Variants in CCDC178 observed in about 807,000 individuals in gnomAD.
CCDC178 encodes the protein coiled-coil domain containing 178, also known as coiled-coil domain-containing protein 178.
In CCDC178, 126 loss-of-function variants were observed where a neutral mutation model predicts 117.4. The ratio of observed to expected loss-of-function variants is 1.07; its 90% CI spans 0.93 to 1.24. The LOEUF (loss-of-function observed/expected upper bound fraction) is 1.24, where lower values mean the gene tolerates loss of function less well. CCDC178 is among the 50% of genes most tolerant of loss of function. CCDC178 has a pLI of 0.00. For synonymous variants in CCDC178, 283 were observed against 313.4 expected (o/e 0.90, Z 1.02); for missense variants, 1,030 against 986.9 (o/e 1.04, Z -0.59).
intron 12 of CCDC178, among the ~76,000 whole-genome samples, chr18:33,282,695 CAT>C (rs1474992295): frequency 3.3e-5 from 5 of 152,198 alleles, no homozygotes; most frequent in Non-Finnish European, 5.9e-5. Flanking sequence ...CTACCTGGCA[CAT>C]GTTTGCACGG....
chr18:33,049,190 A>T (rs1199904101), intron 21 of CCDC178, among the ~76,000 whole-genome samples: 1 of 152,172 alleles, frequency 6.6e-6, no homozygotes, highest in African/African-American at 2.4e-5. Flanking sequence ...AGATTTTTCA[A>T]AAAACCCCAA....
intron 11 of CCDC178, among the ~76,000 whole-genome samples, chr18:33,315,565 T>G (rs1312822670): frequency 6.6e-6 from 1 of 152,090 alleles, no homozygotes; most frequent in Non-Finnish European, 1.5e-5. Flanking sequence ...TACACGGATA[T>G]AAAAAGGTAG....
chr18:32,996,252 A>C (rs1260023724), intron 21 of CCDC178, among the ~76,000 whole-genome samples: 1 of 152,004 alleles, frequency 6.6e-6, no homozygotes, highest in Non-Finnish European at 1.5e-5. Context: ...TAAAGTTACA[A>C]AACTTTACTG....
At chr18:33,426,185 A>AG (rs2064122570) in intron 2 of CCDC178, among the ~76,000 whole-genome samples, 3 of 152,356 alleles carry the variant, frequency 2.0e-5, no homozygotes, top group South Asian at 4.1e-4. Context: ...CTGGGATTAC[A>AG]GGCGTGAGCC....
chr18:33,105,287 C>T (rs1160132984), intron 20 of CCDC178, among the ~76,000 whole-genome samples: 1 of 151,624 alleles, frequency 6.6e-6, no homozygotes, highest in Non-Finnish European at 1.5e-5. Context: ...ACTGCAATCA[C>T]CATGTTTTAT....
chr18:33,191,907 A>T (rs753930168), intron 20 of CCDC178, among the ~76,000 whole-genome samples: 1 of 152,180 alleles, frequency 6.6e-6, no homozygotes, highest in Non-Finnish European at 1.5e-5. Flanking sequence ...AGTAATAAAC[A>T]TGATTATCTT....
intron 12 of CCDC178, among the ~76,000 whole-genome samples, chr18:33,283,719 C>G (rs751210301): frequency 3.0e-4 from 45 of 152,036 alleles, no homozygotes; most frequent in Admixed American, 1.8e-3. Flanking sequence ...CATCTCACAC[C>G]AGAAAGAATG....
chr18:33,129,247 CTG>C (rs1196171395), intron 20 of CCDC178, among the ~76,000 whole-genome samples: 2 of 152,042 alleles, frequency 1.3e-5, no homozygotes, highest in Non-Finnish European at 2.9e-5. Flanking sequence ...GTGTCATAAA[CTG>C]TGAAAATACT....
Position 33,082,706 on chromosome 18 carries a change from C to T in CCDC178, c.2388+10055G>A, listed in dbSNP as rs914354074. Among the ~76,000 whole-genome samples the T allele has an allele frequency of 1.4e-4, 22 of 151,738 alleles. No individual in the cohort carries two copies. The South Asian group carries it at 3.7e-3, about 26-fold the overall frequency. On this transcript the variant is annotated intron_variant, in intron 21 of 22. Coordinates refer to ENST00000383096, the MANE Select transcript of CCDC178 (RefSeq NM_001105528.4). Reference sequence around the variant, plus strand: ...AACCTGCATGTTGTGCACATGTACCCTATAACTTAAAGTATAATAAAAATA... The same window carrying T: ...AACCTGCATGTTGTGCACATGTACCTTATAACTTAAAGTATAATAAAAATA...
At chr18:33,095,000 A>C (rs1265178874) in intron 20 of CCDC178, among the ~76,000 whole-genome samples, 1 of 152,024 alleles carries the variant, frequency 6.6e-6, no homozygotes, top group African/African-American at 2.4e-5. Context: ...TTGAGAGTCC[A>C]CCTCACAACT....
chr18:33,143,918 C>G (rs2058240245), intron 20 of CCDC178, among the ~76,000 whole-genome samples: 1 of 152,026 alleles, frequency 6.6e-6, no homozygotes, highest in Non-Finnish European at 1.5e-5. Flanking sequence ...AGGATATCTA[C>G]TTAGAAATGC....
At chr18:33,166,126 A>G (rs2058525257) in intron 20 of CCDC178, among the ~76,000 whole-genome samples, 4 of 152,170 alleles carry the variant, frequency 2.6e-5, no homozygotes, top group Admixed American at 2.6e-4. Flanking sequence ...CTACTATTTG[A>G]AAATAGTTTA....
intron 21 of CCDC178, among the ~76,000 whole-genome samples, chr18:33,056,247 C>T (rs1183682351): frequency 6.6e-6 from 1 of 152,154 alleles, no homozygotes; most frequent in Non-Finnish European, 1.5e-5. Context: ...AAGGGATGAG[C>T]AGGGGTCAGT....
At position 33,333,290 on chromosome 18, in the gene CCDC178, C is replaced by T. The variant is rs2062695959; in HGVS notation, c.763G>A (p.Ala255Thr). ...ATGTCTGCTTGAATCTTTGCATTTG[C>T]TTCTTCTAACTCTGTCTTTTGTTTT... Reference protein sequence around the residue: ...FEKQKTELEEANAKIQADIDY... With the variant: ...FEKQKTELEETNAKIQADIDY... Residue 255 changes from alanine (A) to threonine (T), a missense_variant, in exon 10 of 23, where the codon GCA becomes ACA. Transcript: ENST00000383096. 3 of 1,612,160 alleles carry T rather than the reference C, an allele frequency of 1.9e-6. No individual in the cohort carries two copies. The highest frequency in any genetic ancestry group is 2.5e-6 in the Non-Finnish European group (3 of 1,178,656).
Position 33,375,207 on chromosome 18 carries a change from TACTAA to T in CCDC178, c.209-5023_209-5019del, listed in dbSNP as rs2063348964. ...ATCGTTCTCCTACTTTAACTTTTTATACTAAAAAACATTGTAGACAGTCCTTCCTT... is the reference window on the plus strand; with the variant it reads ...ATCGTTCTCCTACTTTAACTTTTTATAAAACATTGTAGACAGTCCTTCCTT... On this transcript the variant is annotated intron_variant, in intron 5 of 22. Transcript: ENST00000383096. 2.0e-5 allele frequency among the ~76,000 whole-genome samples: 3 copies of T among 152,226 alleles called. No homozygotes were observed. The South Asian group carries it at 6.2e-4, about 31-fold the overall frequency.
At chr18:33,354,174 G>A (rs1033584357) in intron 7 of CCDC178, among the ~76,000 whole-genome samples, 5 of 152,106 alleles carry the variant, frequency 3.3e-5, no homozygotes, top group Admixed American at 3.3e-4. Context: ...AGGGTCCCTG[G>A]TACATGAAAA....
intron 20 of CCDC178, among the ~76,000 whole-genome samples, chr18:33,176,790 A>T (rs954205249): frequency 1.8e-4 from 27 of 152,146 alleles, no homozygotes; most frequent in South Asian, 6.2e-4. Flanking sequence ...AATTTTTTTT[A>T]AAAAATAAGA....
intron 20 of CCDC178, among the ~76,000 whole-genome samples, chr18:33,099,049 G>A (rs2057585779): frequency 6.6e-6 from 1 of 152,008 alleles, no homozygotes; most frequent in African/African-American, 2.4e-5. Flanking sequence ...AGCAAATTTG[G>A]AGGAGTCAGA....
At chr18:33,131,538 A>C (rs1388216921) in intron 20 of CCDC178, among the ~76,000 whole-genome samples, 1 of 151,798 alleles carries the variant, frequency 6.6e-6, no homozygotes, top group Non-Finnish European at 1.5e-5. Context: ...TTATCTTAGA[A>C]TTATGAATAT....
Sources: allele counts gnomAD v4.1 joint callset (sites outside exome capture counted in the v4.1 genomes callset), GRCh38; gene constraint gnomAD v4.1.1; transcripts MANE v1.5; gene names NCBI Gene and HGNC (gene_info 2026-07-23, HGNC 2026-07-21).